Variants in CADPS2 observed in about 807,000 individuals in gnomAD.
CADPS2 encodes the protein calcium dependent secretion activator 2.
Under a neutral mutation model 172.5 loss-of-function variants are expected in CADPS2, and 93 were observed. The ratio of observed to expected loss-of-function variants is 0.54; its 90% confidence interval spans 0.46 to 0.64. The LOEUF is 0.64. Ranked by LOEUF, CADPS2 falls within the 30% of genes least tolerant of loss-of-function variation. CADPS2 has a pLI of 0.00. For synonymous variants in CADPS2, 546 were observed against 555.2 expected (o/e 0.98, Z 0.23); for missense variants, 1,420 against 1,565.9 (o/e 0.91, Z 1.57).
At chr7:122,796,080 G>C (rs964417617) in intron 1 of CADPS2, among the ~76,000 whole-genome samples, 2 of 152,056 alleles carry the variant, frequency 1.3e-5, no homozygotes, top group African/African-American at 4.8e-5. Context: ...GTTAAGCCGA[G>C]AGCCAAATCA....
At chr7:122,724,617 CATT>C (rs1411492045) in intron 2 of CADPS2, among the ~76,000 whole-genome samples, 2 of 152,052 alleles carry the variant, frequency 1.3e-5, no homozygotes, top group Non-Finnish European at 2.9e-5. Flanking sequence ...GAGGCAAGTA[CATT>C]ATTATCTCCA....
chr7:122,659,332 T>TG (rs1334463209), intron 3 of CADPS2, among the ~76,000 whole-genome samples: 1 of 94,654 alleles, frequency 1.1e-5, no homozygotes, highest in African/African-American at 3.8e-5. Flanking sequence ...AAAAACACCG[T>TG]GGAAAAAAAT....
chr7:122,714,891 C>T (rs2136863979), intron 2 of CADPS2, among the ~76,000 whole-genome samples: 1 of 152,208 alleles, frequency 6.6e-6, no homozygotes, highest in East Asian at 1.9e-4. Flanking sequence ...GAAGTAGACA[C>T]TATCAGAATC....
chr7:122,677,767 T>G (rs2082539958), intron 2 of CADPS2, among the ~76,000 whole-genome samples: 1 of 152,106 alleles, frequency 6.6e-6, no homozygotes, highest in African/African-American at 2.4e-5. Context: ...AGAGCTCCCT[T>G]TTTCACCACC....
At chr7:122,526,732 C>T (rs2061268147) in intron 8 of CADPS2, among the ~76,000 whole-genome samples, 1 of 152,174 alleles carries the variant, frequency 6.6e-6, no homozygotes, top group African/African-American at 2.4e-5. Flanking sequence ...AGAGAACTTT[C>T]TGCATTGCTA....
At chr7:122,504,132 C>A (rs1443570774) in intron 9 of CADPS2, among the ~76,000 whole-genome samples, 1 of 152,102 alleles carries the variant, frequency 6.6e-6, no homozygotes, top group African/African-American at 2.4e-5. Context: ...TTATTTTTGA[C>A]AAGGCTTTAG....
chr7:122,447,322 G>A (rs2052386271), intron 15 of CADPS2, among the ~76,000 whole-genome samples: 1 of 151,088 alleles, frequency 6.6e-6, no homozygotes, highest in Non-Finnish European at 1.5e-5. Context: ...AGTAAAAGTA[G>A]TACAATCTAA....
At chr7:122,527,618 G>A (rs2061363578) in intron 8 of CADPS2, among the ~76,000 whole-genome samples, 1 of 41,796 alleles carries the variant, frequency 2.4e-5, no homozygotes, top group African/African-American at 7.8e-5. Flanking sequence ...GAGAGAGAGA[G>A]TGTGTGTGTG....
intron 2 of CADPS2, among the ~76,000 whole-genome samples, chr7:122,735,574 TA>T (rs951063974): frequency 2.0e-5 from 3 of 152,126 alleles, no homozygotes; most frequent in Non-Finnish European, 4.4e-5. Context: ...CGCTTACTTT[TA>T]AAAACTCACT....
intron 1 of CADPS2, among the ~76,000 whole-genome samples, chr7:122,795,354 C>G (rs1022857524): frequency 1.3e-5 from 2 of 152,060 alleles, no homozygotes; most frequent in Non-Finnish European, 2.9e-5. Flanking sequence ...ACTAGAAAAT[C>G]TAGAAGAAAT....
chr7:122,673,409 A>G (rs1202060205), intron 2 of CADPS2, among the ~76,000 whole-genome samples: 1 of 152,118 alleles, frequency 6.6e-6, no homozygotes, highest in Non-Finnish European at 1.5e-5. Context: ...GCTGATTGGT[A>G]CATTTACAAT....
chr7:122,871,828 T>G (rs1375904932), intron 1 of CADPS2, among the ~76,000 whole-genome samples: 1 of 152,158 alleles, frequency 6.6e-6, no homozygotes, highest in Non-Finnish European at 1.5e-5. Context: ...AGTTTTCTTC[T>G]AATACATCTG....
chr7:122,341,285 C>G (rs1563103475), intron 28 of CADPS2, among the ~76,000 whole-genome samples: 2 of 152,160 alleles, frequency 1.3e-5, no homozygotes. Flanking sequence ...TTTCACATGG[C>G]TATCACAAAA....
chr7:122,836,269 C>G (rs145873496), intron 1 of CADPS2, among the ~76,000 whole-genome samples: 2,370 of 151,952 alleles, frequency 0.016, 59 homozygotes, highest in African/African-American at 0.054. Context: ...TAAAAGAGCT[C>G]CTGAAGGAAG....
intron 1 of CADPS2, among the ~76,000 whole-genome samples, chr7:122,882,617 CTT>C (rs35781696): frequency 4.1e-4 from 56 of 136,786 alleles, no homozygotes; most frequent in Non-Finnish European, 5.6e-4. Context: ...CCAAGGAACC[CTT>C]TTTTTTTTTT....
At chr7:122,397,547 A>T (rs1484130159) in intron 20 of CADPS2, among the ~76,000 whole-genome samples, 2 of 152,090 alleles carry the variant, frequency 1.3e-5, no homozygotes, top group African/African-American at 4.8e-5. Context: ...GTTTCCAAAG[A>T]CAAGCTACAG....
At chr7:122,808,370 G>A (rs1799274955) in intron 1 of CADPS2, among the ~76,000 whole-genome samples, 1 of 152,194 alleles carries the variant, frequency 6.6e-6, no homozygotes, top group Non-Finnish European at 1.5e-5. Flanking sequence ...TCAAAGTATA[G>A]CCCAGTTACA....
At chr7:122,594,275 G>A (rs1261628436) in intron 6 of CADPS2, among the ~76,000 whole-genome samples, 1 of 150,458 alleles carries the variant, frequency 6.6e-6, no homozygotes, top group African/African-American at 2.5e-5. Context: ...TCTCAAAAAG[G>A]GGAAAAAAAA....
chr7:122,325,659 G>A lies in CADPS2; in HGVS notation c.3613-78C>T, dbSNP rs535933466. The A allele has an allele frequency of 5.0e-4, 405 of 802,798 alleles. 2 individuals carry two copies. In the African/African-American group the frequency reaches 6.0e-3, roughly 12 times the overall value. The allele number at this position is 802,798 out of a possible 1,614,324, so 49.7% of individuals were successfully genotyped here. ...TCTGCAGTATTCATTTAACAGATTC[G>A]ATAATGAGGGGGTAATAAAACACTC... On this transcript the variant is annotated intron_variant, in intron 28 of 29. Transcript: ENST00000449022.
Sources: gnomAD v4.1 joint callset for allele counts (sites outside exome capture counted in the v4.1 genomes callset) on GRCh38, gnomAD v4.1.1 for gene constraint, MANE v1.5 for transcripts, NCBI Gene and HGNC (gene_info 2026-07-23, HGNC 2026-07-21) for gene names.